Variants in RHEB observed in about 807,000 individuals in gnomAD.
RHEB encodes the protein Ras homolog, mTORC1 binding.
RHEB carries 2 observed loss-of-function variants against 28.8 expected under a neutral mutation model. The ratio of observed to expected loss-of-function variants is 0.07; its 90% CI spans 0.03 to 0.22. The LOEUF is 0.22. Ranked by LOEUF, RHEB falls within the 10% of genes least tolerant of loss-of-function variation. The probability of loss-of-function intolerance (pLI) is 1.00; values close to 1 mark genes in which losing one functional copy is unlikely to be tolerated. For missense variants in RHEB, 76 were observed against 219.9 expected (o/e 0.35, Z 4.14); for synonymous variants, 69 against 77.3 (o/e 0.89, Z 0.56).
chr7:151,466,771 A>T lies in RHEB; in HGVS notation c.*348T>A, dbSNP rs1802070925. ...AACACAATGAAATAAACACTGATAT[A>T]CTGAAGCCTAGTTAATAGTAGTGTA... On this transcript the variant is annotated 3_prime_UTR_variant, in exon 8 of 8. Transcript: ENST00000262187. 4.8e-6 allele frequency: 1 copy of T among 206,270 alleles called. No homozygotes were observed. The highest frequency in any genetic ancestry group is 9.8e-6 in the Non-Finnish European group (1 of 102,238). 12.8% of individuals were successfully genotyped at this position (206,270 alleles called of 1,614,324 possible).
intron 1 of RHEB, chr7:151,517,981 A>C (rs1803111669): frequency 6.6e-6 from 1 of 152,054 alleles, no homozygotes; most frequent in Non-Finnish European, 1.5e-5. Flanking sequence ...GAGAACAGAG[A>C]CAAGAGCATG....
chr7:151,509,766 C>T (rs1802950817), intron 1 of RHEB, among the ~76,000 whole-genome samples: 2 of 152,140 alleles, frequency 1.3e-5, no homozygotes, highest in South Asian at 4.1e-4. Flanking sequence ...GAAAAAGAAA[C>T]AGTATTTCAT....
intron 4 of RHEB, 181 bp from the exon 5 acceptor site, chr7:151,471,786 C>T (rs1802166019): frequency 1.8e-6 from 1 of 542,734 alleles, no homozygotes; most frequent in Non-Finnish European, 3.3e-6. Context: ...ATACATCTGA[C>T]ACTCAGCAAC....
chr7:151,504,968 T>G (rs1174652426), intron 1 of RHEB, among the ~76,000 whole-genome samples: 1 of 150,924 alleles, frequency 6.6e-6, no homozygotes, highest in Non-Finnish European at 1.5e-5. Flanking sequence ...CACCCTTACC[T>G]CATACATAAA....
chr7:151,507,321 G>A (rs1802901519), intron 1 of RHEB, among the ~76,000 whole-genome samples: 1 of 152,180 alleles, frequency 6.6e-6, no homozygotes, highest in Non-Finnish European at 1.5e-5. Context: ...CCCTATGGCA[G>A]GATTGGTGGT....
At position 151,471,402 on chromosome 7, in the gene RHEB, A is replaced by G. The variant is rs749553302; in HGVS notation, c.372T>C (p.His124=). 1 of 1,565,472 alleles carries G rather than the reference A, an allele frequency of 6.4e-7. No homozygotes were observed. Among genetic ancestry groups the G allele is most frequent in the East Asian group, 2.2e-5 (1 of 44,558 alleles). The change falls in exon 6 of 8, where the codon CAT becomes CAC. Residue 124 remains histidine, a synonymous_variant. Transcript: ENST00000262187. Reference sequence around the variant, plus strand: ...TTATAAAAGCTACATACCTTTCCATATGCAGGTCTTTCTTATTCCCAACCA... The same window carrying G: ...TTATAAAAGCTACATACCTTTCCATGTGCAGGTCTTTCTTATTCCCAACCA... ...IMLVGNKKDL[H]MERVISYEEG... is the part of the protein sequence containing the mutation.
At chr7:151,478,545 CAT>C (rs1453186317) in intron 3 of RHEB, among the ~76,000 whole-genome samples, 8 of 151,856 alleles carry the variant, frequency 5.3e-5, no homozygotes, top group Non-Finnish European at 1.0e-4. Context: ...ACTGTGGAAA[CAT>C]AGAAAAAAGA....
intron 7 of RHEB, among the ~76,000 whole-genome samples, chr7:151,469,770 G>T (rs568238187): frequency 2.6e-5 from 4 of 152,162 alleles, no homozygotes; most frequent in Non-Finnish European, 5.9e-5. Flanking sequence ...TTGATGTGAT[G>T]GAAAGTACAA....
At chr7:151,498,222 A>G in intron 1 of RHEB, 4 of 1,085,606 alleles carry the variant, frequency 3.7e-6, no homozygotes, top group Non-Finnish European at 5.0e-6. Flanking sequence ...AAAGTACTGG[A>G]GGCAATTAAG....
At position 151,478,258 on chromosome 7, in the gene RHEB, T is replaced by G. The variant is rs17173155; in HGVS notation, c.193-843A>C. On this transcript the variant is annotated intron_variant, in intron 3 of 7. Transcript: ENST00000262187. The stretch of plus-strand genomic sequence containing the variant: ...AACATAACACATGTCCTAAGCACTA[T>G]TATGGAAAAATCACATCATGGTACC... Among the ~76,000 whole-genome samples the G allele has an allele frequency of 3.3e-3, 510 of 152,256 alleles. 3 individuals are homozygous for G. Among genetic ancestry groups the G allele is most frequent in the African/African-American group, 0.012 (484 of 41,544 alleles).
At position 151,468,936 on chromosome 7, in the gene RHEB, T is replaced by G. The variant is rs1584844735; in HGVS notation, c.462+1635A>C. On this transcript the variant is annotated intron_variant, in intron 7 of 7. Transcript: ENST00000262187. The surrounding 1 kb of genome is among the most constrained non-coding windows in gnomAD (Gnocchi z 4.3). Reference sequence around the variant, plus strand: ...TAGTGGGTGATCTTAGAAAAGTCATTTAACTTCTCTGAAACTTAATTTCCT... The same window carrying G: ...TAGTGGGTGATCTTAGAAAAGTCATGTAACTTCTCTGAAACTTAATTTCCT... 6.6e-6 allele frequency among the ~76,000 whole-genome samples: 1 copy of G among 152,364 alleles called. No individual in the cohort carries two copies. The highest frequency in any genetic ancestry group is 1.5e-5 in the Non-Finnish European group (1 of 68,036).
At chr7:151,477,792 A>G (rs978411005) in intron 3 of RHEB, among the ~76,000 whole-genome samples, 2 of 152,186 alleles carry the variant, frequency 1.3e-5, no homozygotes, top group Non-Finnish European at 2.9e-5. Flanking sequence ...GATTTATCCC[A>G]TAAATCTGTA....
chr7:151,495,391 C>T (rs1050575423), intron 1 of RHEB, among the ~76,000 whole-genome samples: 5 of 152,186 alleles, frequency 3.3e-5, no homozygotes, highest in African/African-American at 1.2e-4. Flanking sequence ...TTCCTCCAAA[C>T]CAAAACCCAC....
intron 1 of RHEB, among the ~76,000 whole-genome samples, chr7:151,516,613 A>C (rs1425459725): frequency 1.7e-5 from 2 of 117,596 alleles, no homozygotes; most frequent in Non-Finnish European, 3.5e-5. Flanking sequence ...ATAGAGTGAG[A>C]CTCTGTCACA....
At chr7:151,505,562 A>C (rs954771295) in intron 1 of RHEB, among the ~76,000 whole-genome samples, 2 of 152,222 alleles carry the variant, frequency 1.3e-5, no homozygotes, top group African/African-American at 4.8e-5. Flanking sequence ...GGAGGCATAA[A>C]ATGGTCAAAA....
intron 1 of RHEB, among the ~76,000 whole-genome samples, chr7:151,492,432 T>C (rs998493167): frequency 2.6e-5 from 4 of 151,790 alleles, no homozygotes; most frequent in African/African-American, 9.7e-5. Context: ...CTGGCCAACA[T>C]GGTTGGTCCT....
intron 3 of RHEB, 102 bp downstream of exon 3, chr7:151,484,635 T>C (rs1413640472): frequency 4.8e-6 from 4 of 830,006 alleles, no homozygotes; most frequent in Admixed American, 4.0e-5. Context: ...GCACACAACC[T>C]GAGGGGTTTT....
chr7:151,469,792 G>C (rs1802128086), intron 7 of RHEB, among the ~76,000 whole-genome samples: 1 of 152,192 alleles, frequency 6.6e-6, no homozygotes, highest in Non-Finnish European at 1.5e-5. Flanking sequence ...AACGTGGTGA[G>C]AGAAGAAACT....
At chr7:151,478,937 AT>A (rs376624954) in intron 3 of RHEB, among the ~76,000 whole-genome samples, 5,755 of 146,488 alleles carry the variant, frequency 0.039, 334 homozygotes, top group African/African-American at 0.13. Flanking sequence ...ACCCAGTCTG[AT>A]TTTTTTTTTT....
Sources: gnomAD v4.1 joint callset for allele counts (sites outside exome capture counted in the v4.1 genomes callset) on GRCh38, gnomAD v4.1.1 for gene constraint, Gnocchi (gnomAD v3.1) non-coding constraint, MANE v1.5 for transcripts, NCBI Gene and HGNC (gene_info 2026-07-23, HGNC 2026-07-21) for gene names.